Variants in GSTA2 observed in about 807,000 individuals in gnomAD.
GSTA2 encodes the protein glutathione S-transferase alpha 2.
GSTA2 carries 27 observed loss-of-function variants against 22.4 expected under a neutral mutation model. The ratio of observed to expected loss-of-function variants is 1.21; its 90% CI spans 0.89 to 1.67. GSTA2 has a LOEUF of 1.67. GSTA2 is among the 40% of genes most tolerant of loss of function. GSTA2 has a pLI of 0.00. For synonymous variants in GSTA2, 121 were observed against 86.8 expected (o/e 1.39, Z -2.19); for missense variants, 302 against 260.2 (o/e 1.16, Z -1.11).
chr6:52,750,597 T>A lies in GSTA2; in HGVS notation c.649A>T (p.Arg217Trp). The A allele has an allele frequency of 6.2e-7, 1 of 1,613,960 alleles. No homozygotes were observed. The highest frequency in any genetic ancestry group is 1.1e-5 in the South Asian group (1 of 91,084). ...PMDEKSLEES[R>W]KIFRF ...GTTTATTAAAACCTGAAAATCTTCC[T>A]TGATTCTTCTAAAGATTTCTCATCC... The change falls in exon 7 of 7, where the codon AGG becomes TGG. Residue 217 changes from arginine to tryptophan, a missense_variant. By Grantham distance (101) the Arg-to-Trp change is moderately radical. Coordinates refer to ENST00000493422, the MANE Select transcript of GSTA2 (RefSeq NM_000846.5).
rs1762913408 is a variant in GSTA2, at chr6:52,759,563, G to GTTTTTTTTTGTTT, written c.-30-1587_-30-1586insAAACAAAAAAAAA. 1.6e-3 allele frequency among the ~76,000 whole-genome samples: 55 copies of GTTTTTTTTTGTTT among 34,204 alleles called. 8 individuals carry two copies. Among genetic ancestry groups the GTTTTTTTTTGTTT allele is most frequent in the East Asian group, 2.6e-3 (3 of 1,134 alleles). The allele number at this position is 34,204 out of a possible 152,430, so 22.4% of individuals were successfully genotyped here. On this transcript the variant is annotated intron_variant, in intron 1 of 6. Transcript: ENST00000493422. Reference sequence around the variant, plus strand: ...CCTTTAACAACTAATGTATTTATTTGTTTTTTTTTTTTTTTTTTTTTTTTT... The same window carrying GTTTTTTTTTGTTT: ...CCTTTAACAACTAATGTATTTATTTGTTTTTTTTTGTTTTTTTTTTTTTTTTTTTTTTTTTTTT...
intron 1 of GSTA2, among the ~76,000 whole-genome samples, chr6:52,758,880 CA>C (rs1348102116): frequency 2.6e-5 from 4 of 152,158 alleles, no homozygotes; most frequent in Admixed American, 2.6e-4. Flanking sequence ...TTTTATCCTA[CA>C]AAAATTACCT....
chr6:52,757,559 T>C (rs1014169161), intron 2 of GSTA2, among the ~76,000 whole-genome samples: 15 of 152,224 alleles, frequency 9.9e-5, no homozygotes, highest in Non-Finnish European at 1.8e-4. Flanking sequence ...TCAATCGATA[T>C]TTGTGTTTCT....
rs201543023 is a variant in GSTA2 at position 52,751,711 on chromosome 6, G to A, written c.415-3C>T. On this transcript the variant is annotated splice_region_variant and splice_polypyrimidine_tract_variant and intron_variant, in intron 5 of 6. Coordinates refer to ENST00000493422, the MANE Select transcript of GSTA2 (RefSeq NM_000846.5). ...TCTTGTCCGTGGCTCTTTAAGACCT[G>A]GAGAATGGGAGGAATCAGATCAGGA... The A allele has an allele frequency of 3.9e-4, 626 of 1,614,130 alleles. No homozygotes were observed. Among genetic ancestry groups the A allele is most frequent in the Admixed American group, 1.0e-3 (60 of 60,026 alleles).
intron 1 of GSTA2, among the ~76,000 whole-genome samples, chr6:52,759,824 T>C (rs1256931911): frequency 6.6e-6 from 1 of 152,050 alleles, no homozygotes; most frequent in African/African-American, 2.4e-5. Context: ...CCCCAGGTGA[T>C]CCACTCACTT....
rs757816212 is a variant in GSTA2, at chr6:52,756,217, A to G, written c.139+41T>C. On this transcript the variant is annotated intron_variant, in intron 3 of 6. Coordinates refer to ENST00000493422, the MANE Select transcript of GSTA2 (RefSeq NM_000846.5). ...GCGCAAACCTCCCCGTGTACCTTCT[A>G]CTAGATACCCTCATTAGAGAAACTT... is the stretch of plus-strand genomic sequence containing the variant. 2.7e-6 allele frequency: 4 copies of G among 1,460,530 alleles called. No individual in the cohort carries two copies. In the East Asian group the frequency reaches 6.8e-5, roughly 25 times the overall value. The allele number at this position is 1,460,530 out of a possible 1,614,324, so 90.5% of individuals were successfully genotyped here.
chr6:52,754,902 C>A, intron 4 of GSTA2, 41 bp downstream of exon 4: 2 of 1,611,706 alleles, frequency 1.2e-6, no homozygotes, highest in Non-Finnish European at 1.7e-6. Flanking sequence ...CTAAATCACT[C>A]TATGTTCTCT....
intron 4 of GSTA2, among the ~76,000 whole-genome samples, 155 bp from the exon 5 acceptor site, chr6:52,753,150 A>G (rs1762777006): frequency 6.8e-6 from 1 of 146,900 alleles, no homozygotes; most frequent in Non-Finnish European, 1.5e-5. Context: ...TGAGTTTTAC[A>G]GGTATATAGT....
At chr6:52,756,422 G>A in intron 2 of GSTA2, 113 bp from the exon 3 acceptor site, 3 of 881,338 alleles carry the variant, frequency 3.4e-6, no homozygotes, top group Non-Finnish European at 5.5e-6. Context: ...TTCTGAGTTT[G>A]GCAGGGTACA....
At chr6:52,759,946 G>A (rs993399760) in intron 1 of GSTA2, among the ~76,000 whole-genome samples, 6 of 152,226 alleles carry the variant, frequency 3.9e-5, no homozygotes, top group African/African-American at 1.4e-4. Context: ...TCTTTTAAAT[G>A]TCTACATTTT....
intron 4 of GSTA2, among the ~76,000 whole-genome samples, chr6:52,754,560 C>T (rs1762804790): frequency 6.6e-6 from 1 of 152,160 alleles, no homozygotes; most frequent in Non-Finnish European, 1.5e-5. Flanking sequence ...AGCTTTCCCT[C>T]CCCAGTCCTT....
chr6:52,750,525 C>G lies in GSTA2; in HGVS notation c.*52G>C. 6.3e-7 allele frequency: 1 copy of G among 1,595,020 alleles called. No individual in the cohort carries two copies. On this transcript the variant is annotated 3_prime_UTR_variant, in exon 7 of 7. Coordinates refer to ENST00000493422, the MANE Select transcript of GSTA2 (RefSeq NM_000846.5). ...ACTTAGGTAAAGCACTTAATTGTTG[C>G]AAAACTTTAGAATACTGGTCTTGCA...
intron 1 of GSTA2, among the ~76,000 whole-genome samples, chr6:52,760,518 C>T (rs1361187695): frequency 6.6e-6 from 1 of 152,056 alleles, no homozygotes; most frequent in African/African-American, 2.4e-5. Context: ...GGAAATGGCT[C>T]CTATTATCCT....
chr6:52,757,924 G>A lies in GSTA2; in HGVS notation c.24C>T (p.His8=), dbSNP rs377509381. ...CCATTCTGCCCCGTATATTGGAGTA[G>A]TGGAGCTTGGGCTTCTCTGCCATGG... is the stretch of plus-strand genomic sequence containing the variant. MAEKPKL[H]YSNIRGRMES... Residue 8 remains histidine, a synonymous_variant, in exon 2 of 7, where the codon CAC becomes CAT. Transcript: ENST00000493422. 2.5e-6 allele frequency: 4 copies of A among 1,613,636 alleles called. No individual in the cohort carries two copies. In the Admixed American group the frequency reaches 5.0e-5, roughly 20 times the overall value.
chr6:52,755,673 A>G (rs1762828423), intron 3 of GSTA2, among the ~76,000 whole-genome samples: 2 of 152,062 alleles, frequency 1.3e-5, no homozygotes, highest in South Asian at 4.1e-4. Flanking sequence ...TATTTTAGGA[A>G]GAGGTTGGGA....
chr6:52,751,391 T>C (rs973832355), intron 6 of GSTA2, among the ~76,000 whole-genome samples, 186 bp downstream of exon 6: 12 of 152,166 alleles, frequency 7.9e-5, no homozygotes, highest in African/African-American at 2.9e-4. Context: ...ACTACAAATT[T>C]CCTTTCCATA....
At chr6:52,759,419 C>A (rs1223747228) in intron 1 of GSTA2, among the ~76,000 whole-genome samples, 1 of 152,140 alleles carries the variant, frequency 6.6e-6, no homozygotes, top group East Asian at 1.9e-4. Flanking sequence ...GAAGGAGTTC[C>A]AGTGCCAGGA....
intron 5 of GSTA2, among the ~76,000 whole-genome samples, 174 bp downstream of exon 5, chr6:52,752,680 A>T (rs572683431): frequency 6.6e-6 from 1 of 152,350 alleles, no homozygotes; most frequent in South Asian, 2.1e-4. Context: ...GGTATAAGTG[A>T]TACAATTGTT....
chr6:52,754,161 T>C (rs1024729150), intron 4 of GSTA2, among the ~76,000 whole-genome samples: 5 of 152,278 alleles, frequency 3.3e-5, no homozygotes, highest in Non-Finnish European at 7.3e-5. Flanking sequence ...TTTTGAATTC[T>C]ATGAATATTG....
Sources: allele counts gnomAD v4.1 joint callset (sites outside exome capture counted in the v4.1 genomes callset), GRCh38; gene constraint gnomAD v4.1.1; transcripts MANE v1.5; gene names NCBI Gene and HGNC (gene_info 2026-07-23, HGNC 2026-07-21).